The following PDS5B variants were observed in gnomAD, a reference collection of about 807,000 sequenced individuals.
The protein encoded by PDS5B is PDS5 cohesin associated factor B.
A neutral mutation model predicts 184.1 loss-of-function variants in PDS5B; 51 were observed. The ratio of observed to expected loss-of-function variants is 0.28; its 90% confidence interval spans 0.22 to 0.35. PDS5B has a LOEUF of 0.35. Among genes scored for constraint, PDS5B ranks in the 10% least tolerant of loss-of-function variants. PDS5B has a pLI of 1.00. For missense variants in PDS5B, 1,180 were observed against 1,723.3 expected (o/e 0.68, Z 5.58); for synonymous variants, 566 against 569.2 (o/e 0.99, Z 0.08).
intron 19 of PDS5B, among the ~76,000 whole-genome samples, chr13:32,721,137 G>A (rs558386595): frequency 2.6e-5 from 4 of 152,328 alleles, no homozygotes; most frequent in Middle Eastern, 3.4e-3. Flanking sequence ...ATCATGGCCC[G>A]TTCTCAATGA....
At chr13:32,685,133 G>T (rs1032018767) in intron 11 of PDS5B, among the ~76,000 whole-genome samples, 2 of 152,016 alleles carry the variant, frequency 1.3e-5, no homozygotes, top group African/African-American at 4.8e-5. Context: ...ATTGTAACGG[G>T]TTGATCATGC....
chr13:32,696,361 A>G lies in PDS5B; in HGVS notation c.1552-493A>G, dbSNP rs1283722765. Among the ~76,000 whole-genome samples, 3 of 152,130 alleles carry G rather than the reference A, an allele frequency of 2.0e-5. No homozygotes were observed. In the East Asian group the frequency reaches 5.8e-4, roughly 29 times the overall value. The stretch of plus-strand genomic sequence containing the variant: ...AATGTATTACATATGGTATAATGTA[A>G]TGAATTAATTCACTGAAATAACACT... On this transcript the variant is annotated intron_variant, in intron 14 of 34. Coordinates refer to ENST00000315596, the MANE Select transcript of PDS5B (RefSeq NM_015032.4).
chr13:32,701,280 G>C (rs765387775), intron 16 of PDS5B, 43 bp from the exon 17 acceptor site: 1 of 1,013,442 alleles, frequency 9.9e-7, no homozygotes, highest in Non-Finnish European at 1.5e-6. Flanking sequence ...ATAATGATTT[G>C]TTTAAATGTA....
chr13:32,614,160 G>T (rs2058184594), intron 1 of PDS5B, among the ~76,000 whole-genome samples: 1 of 152,170 alleles, frequency 6.6e-6, no homozygotes, highest in South Asian at 2.1e-4. Context: ...ATTGGGAATT[G>T]TGAGCCCTCC....
intron 25 of PDS5B, among the ~76,000 whole-genome samples, chr13:32,754,369 T>G (rs980168219): frequency 3.3e-5 from 5 of 152,198 alleles, no homozygotes; most frequent in Admixed American, 6.5e-5. Context: ...TTTCAAGCTT[T>G]CTTTCTGCTC....
At chr13:32,588,238 A>G (rs1380329125) in intron 1 of PDS5B, among the ~76,000 whole-genome samples, 5 of 152,258 alleles carry the variant, frequency 3.3e-5, no homozygotes, top group Admixed American at 1.3e-4. Flanking sequence ...TGATAGCAGA[A>G]AACCTAATTA....
chr13:32,632,563 A>G (rs1566264601), intron 1 of PDS5B, among the ~76,000 whole-genome samples: 1 of 152,226 alleles, frequency 6.6e-6, no homozygotes, highest in Non-Finnish European at 1.5e-5. Context: ...TGATGTAGCT[A>G]GCTGCTGCTG....
intron 15 of PDS5B, among the ~76,000 whole-genome samples, chr13:32,698,259 AG>A (rs1014229391): frequency 7.2e-5 from 11 of 151,958 alleles, no homozygotes; most frequent in African/African-American, 2.7e-4. Context: ...CTGAAATAAT[AG>A]GCCTTATTGT....
At chr13:32,656,463 C>T (rs1950516368) in intron 3 of PDS5B, among the ~76,000 whole-genome samples, 1 of 151,700 alleles carries the variant, frequency 6.6e-6, no homozygotes, top group South Asian at 2.1e-4. Context: ...TCTTCCTATC[C>T]ATGAACATGG....
chr13:32,724,234 A>T (rs1364059279), intron 19 of PDS5B, among the ~76,000 whole-genome samples: 1 of 151,680 alleles, frequency 6.6e-6, no homozygotes, highest in East Asian at 1.9e-4. Flanking sequence ...ATCCCACCTC[A>T]GCCTCTCAGT....
At chr13:32,688,626 A>G in intron 13 of PDS5B, 57 bp downstream of exon 13, 1 of 1,028,404 alleles carries the variant, frequency 9.7e-7, no homozygotes, top group Non-Finnish European at 1.5e-6. Context: ...ATTGGATTTT[A>G]TGGAAAAGAA....
intron 1 of PDS5B, among the ~76,000 whole-genome samples, chr13:32,623,852 G>C (rs774937646): frequency 6.6e-6 from 1 of 151,202 alleles, no homozygotes; most frequent in East Asian, 1.9e-4. Context: ...TGGCTCTCTC[G>C]CCAGGCTGGA....
chr13:32,770,838 T>TTA, intron 33 of PDS5B, 77 bp downstream of exon 33: 3 of 1,064,022 alleles, frequency 2.8e-6, no homozygotes, highest in Non-Finnish European at 4.2e-6. Flanking sequence ...ACATACATAT[T>TTA]GCTGTATTTA....
intron 24 of PDS5B, among the ~76,000 whole-genome samples, chr13:32,746,450 A>T (rs532048452): frequency 7.2e-5 from 11 of 152,286 alleles, no homozygotes; most frequent in African/African-American, 2.6e-4. Context: ...GCCTTGTTTT[A>T]TGTATGTTTC....
At chr13:32,661,109 TG>T in intron 6 of PDS5B, among the ~76,000 whole-genome samples, 1 of 152,006 alleles carries the variant, frequency 6.6e-6, no homozygotes, top group East Asian at 1.9e-4. Flanking sequence ...AATGGCTGGG[TG>T]CAGTAGCTCA....
rs1279902782 is a variant in PDS5B, at chr13:32,740,565, A to G, written c.2407-515A>G. 2.0e-5 allele frequency among the ~76,000 whole-genome samples: 3 copies of G among 152,102 alleles called. No individual in the cohort carries two copies. In the East Asian group the frequency reaches 5.8e-4, roughly 29 times the overall value. The stretch of plus-strand genomic sequence containing the variant: ...CCAAGATTGGTTCAGCTCTTTTGCC[A>G]TCTTATTTTAATTTCCTGGTTACTA... On this transcript the variant is annotated intron_variant, in intron 21 of 34. Coordinates refer to ENST00000315596, the MANE Select transcript of PDS5B (RefSeq NM_015032.4).
At chr13:32,719,716 G>A (rs1165620147) in intron 19 of PDS5B, among the ~76,000 whole-genome samples, 3 of 151,606 alleles carry the variant, frequency 2.0e-5, no homozygotes, top group African/African-American at 7.3e-5. Context: ...AAACACAAAT[G>A]ATATGCTGGA....
intron 1 of PDS5B, among the ~76,000 whole-genome samples, chr13:32,602,639 A>G (rs890525988): frequency 6.6e-6 from 1 of 152,182 alleles, no homozygotes; most frequent in Non-Finnish European, 1.5e-5. Context: ...GTCAAATGGT[A>G]TTTCTAGTTC....
chr13:32,738,733 G>A (rs1020653457), intron 21 of PDS5B, among the ~76,000 whole-genome samples: 3 of 151,802 alleles, frequency 2.0e-5, no homozygotes, highest in African/African-American at 4.8e-5. Flanking sequence ...GTGCAGTGGC[G>A]CCATCTCGGC....
Sources: allele counts gnomAD v4.1 joint callset (sites outside exome capture counted in the v4.1 genomes callset), GRCh38; gene constraint gnomAD v4.1.1; transcripts MANE v1.5; gene names NCBI Gene and HGNC (gene_info 2026-07-23, HGNC 2026-07-21).